GLI3: variants seen among roughly 807,000 people sequenced by gnomAD.
The protein encoded by GLI3 is GLI family zinc finger 3.
Under a neutral mutation model 100.8 loss-of-function variants are expected in GLI3, and 20 were observed. The observed-to-expected ratio is 0.20, with a 90% CI of 0.14 to 0.29. The LOEUF (loss-of-function observed/expected upper bound fraction) is 0.29, where lower values mean the gene tolerates loss of function less well. Ranked by LOEUF, GLI3 falls within the 10% of genes least tolerant of loss-of-function variation. The pLI is 1.00. For synonymous variants in GLI3, 938 were observed against 860.5 expected, an observed-to-expected ratio of 1.09 and a Z score of -1.58; for missense variants, 2,040 against 2,128.5, an observed-to-expected ratio of 0.96 and a Z score of 0.82.
Position 42,072,411 on chromosome 7 carries a change from G to A in GLI3, c.473+4341C>T, listed in dbSNP as rs139875090. ...AATTTAAAGCTACTTTATAATTTGGGTTTCTACAAATACACCATGCCTACT... is the reference window on the plus strand; with the variant it reads ...AATTTAAAGCTACTTTATAATTTGGATTTCTACAAATACACCATGCCTACT... On this transcript the variant is annotated intron_variant, in intron 4 of 14. Coordinates refer to ENST00000395925, the MANE Select transcript of GLI3 (RefSeq NM_000168.6). Among the ~76,000 whole-genome samples the A allele has an allele frequency of 3.7e-3, 560 of 152,258 alleles. 8 individuals are homozygous for A. The highest frequency in any genetic ancestry group is 2.5e-3 in the East Asian group (13 of 5,192).
At chr7:42,181,520 G>C (rs1019780781) in intron 2 of GLI3, among the ~76,000 whole-genome samples, 1 of 152,084 alleles carries the variant, frequency 6.6e-6, no homozygotes, top group Non-Finnish European at 1.5e-5. Context: ...TGGGAGGACT[G>C]CCTGAGCCCA....
intron 3 of GLI3, among the ~76,000 whole-genome samples, chr7:42,098,084 C>A (rs1047392319): frequency 6.6e-6 from 1 of 152,104 alleles, no homozygotes; most frequent in African/African-American, 2.4e-5. Context: ...AAAGCCACAG[C>A]CTTGACTCCC....
chr7:42,201,520 G>A (rs1788039711), intron 2 of GLI3, among the ~76,000 whole-genome samples: 1 of 152,174 alleles, frequency 6.6e-6, no homozygotes, highest in Non-Finnish European at 1.5e-5. Flanking sequence ...AAAGAAACCA[G>A]AAGTCACTTT....
chr7:42,125,468 T>C (rs1786102856), intron 3 of GLI3, among the ~76,000 whole-genome samples: 1 of 152,156 alleles, frequency 6.6e-6, no homozygotes. Flanking sequence ...ATCCCTTATC[T>C]CGGCTCCAGC....
intron 2 of GLI3, among the ~76,000 whole-genome samples, chr7:42,197,945 C>T (rs1440236831): frequency 2.0e-5 from 3 of 152,146 alleles, no homozygotes; most frequent in Non-Finnish European, 4.4e-5. Flanking sequence ...AATCATGATT[C>T]GGGTACATAT....
intron 3 of GLI3, among the ~76,000 whole-genome samples, chr7:42,102,008 C>T (rs1452560245): frequency 1.3e-5 from 2 of 151,720 alleles, no homozygotes; most frequent in Non-Finnish European, 2.9e-5. Context: ...CTACAAAGGA[C>T]ATGAACTCAT....
intron 1 of GLI3, among the ~76,000 whole-genome samples, chr7:42,231,673 T>A (rs1211660721): frequency 2.0e-5 from 3 of 152,200 alleles, no homozygotes; most frequent in Non-Finnish European, 4.4e-5. Context: ...AGCTGCTGGA[T>A]GAAATTTCTC....
At chr7:42,263,164 T>C (rs2128712274) in intron 1 of GLI3, among the ~76,000 whole-genome samples, 1 of 152,312 alleles carries the variant, frequency 6.6e-6, no homozygotes, top group East Asian at 1.9e-4. Flanking sequence ...TGGTCTCGTG[T>C]ACGCCTTCTG....
At chr7:42,094,446 T>C (rs1006475296) in intron 3 of GLI3, among the ~76,000 whole-genome samples, 7 of 150,240 alleles carry the variant, frequency 4.7e-5, no homozygotes, top group African/African-American at 1.5e-4. Flanking sequence ...CTACTAAAAA[T>C]ACAAAAAATT....
chr7:42,132,248 C>CTGCCACCACGCCTGCT (rs61039369), intron 3 of GLI3, among the ~76,000 whole-genome samples: 2 of 151,368 alleles, frequency 1.3e-5, no homozygotes, highest in Non-Finnish European at 2.9e-5. Context: ...CTACAGGCGC[C>CTGCCACCACGCCTGCT]CGCCACTACG....
intron 8 of GLI3, 35 bp from the exon 9 acceptor site, chr7:42,025,412 G>T (rs1789082996): frequency 2.0e-6 from 3 of 1,481,896 alleles, no homozygotes; most frequent in Non-Finnish European, 2.8e-6. Context: ...GAGACAAAAA[G>T]ATTTTCATCA....
intron 10 of GLI3, among the ~76,000 whole-genome samples, chr7:41,985,172 T>G (rs1787784010): frequency 6.6e-6 from 1 of 152,244 alleles, no homozygotes; most frequent in African/African-American, 2.4e-5. Flanking sequence ...ACCATTAAGA[T>G]GCCACCATTT....
intron 5 of GLI3, among the ~76,000 whole-genome samples, chr7:42,046,440 A>G (rs952865511): frequency 3.3e-5 from 5 of 152,340 alleles, no homozygotes; most frequent in Middle Eastern, 3.4e-3. Context: ...TTTATCCATG[A>G]TACATGGTAA....
chr7:41,969,301 C>T (rs1378586952), intron 13 of GLI3, among the ~76,000 whole-genome samples: 9 of 152,124 alleles, frequency 5.9e-5, no homozygotes, highest in Admixed American at 5.2e-4. Context: ...GGACAGCAGC[C>T]GAAAGGGAGA....
intron 2 of GLI3, among the ~76,000 whole-genome samples, chr7:42,170,178 G>A (rs1207014281): frequency 6.7e-6 from 1 of 149,970 alleles, no homozygotes; most frequent in Non-Finnish European, 1.5e-5. Context: ...GTTGAGCCCA[G>A]GAGGCAGAGG....
intron 2 of GLI3, among the ~76,000 whole-genome samples, chr7:42,196,045 TG>T (rs1246094745): frequency 6.6e-6 from 1 of 152,164 alleles, no homozygotes; most frequent in African/African-American, 2.4e-5. Context: ...CAAAAATTAA[TG>T]GGGAGAAAAG....
chr7:41,975,067 G>A (rs959502701), intron 12 of GLI3, among the ~76,000 whole-genome samples: 3 of 152,162 alleles, frequency 2.0e-5, no homozygotes, highest in Non-Finnish European at 1.5e-5. Context: ...AGGTTCAACC[G>A]AATCAGAGCT....
chr7:42,092,014 G>A (rs1228087966), intron 3 of GLI3, among the ~76,000 whole-genome samples: 1 of 152,234 alleles, frequency 6.6e-6, no homozygotes, highest in Non-Finnish European at 1.5e-5. Context: ...CCCTCTGCCT[G>A]GGAAGCAGGG....
intron 3 of GLI3, among the ~76,000 whole-genome samples, chr7:42,139,805 G>A (rs1365382558): frequency 1.3e-5 from 2 of 152,212 alleles, no homozygotes; most frequent in East Asian, 3.9e-4. Context: ...GGAGTCGCAC[G>A]CTGTCAAATT....
Sources: allele counts gnomAD v4.1 joint callset (sites outside exome capture counted in the v4.1 genomes callset), GRCh38; gene constraint gnomAD v4.1.1; transcripts MANE v1.5; gene names NCBI Gene and HGNC (gene_info 2026-07-23, HGNC 2026-07-21).